The following ABCG2 variants were observed in gnomAD, a reference collection of about 807,000 sequenced individuals.
ABCG2 encodes broad substrate specificity ATP-binding cassette transporter ABCG2.
ABCG2 carries 80 observed loss-of-function variants against 73.5 expected under a neutral mutation model. The ratio of observed to expected loss-of-function variants is 1.09; its 90% CI spans 0.91 to 1.31. The LOEUF (loss-of-function observed/expected upper bound fraction) is 1.31. Ranked by LOEUF, ABCG2 falls within the 50% of genes most tolerant of loss-of-function variation. The pLI is 0.00. For missense variants in ABCG2, 796 were observed against 786.2 expected (o/e 1.01, Z -0.15); for synonymous variants, 269 against 282.4 (o/e 0.95, Z 0.48).
intron 1 of ABCG2, among the ~76,000 whole-genome samples, chr4:88,179,936 T>A (rs1728165541): frequency 6.6e-6 from 1 of 151,782 alleles, no homozygotes; most frequent in Non-Finnish European, 1.5e-5. Context: ...GCCAACAAAA[T>A]CTAGAACATA....
At chr4:88,099,101 C>T (rs1003644498) in intron 12 of ABCG2, among the ~76,000 whole-genome samples, 5 of 152,016 alleles carry the variant, frequency 3.3e-5, no homozygotes, top group Non-Finnish European at 2.9e-5. Context: ...CTCAAAAAAG[C>T]GAAACAAAGC....
At chr4:88,095,364 A>C (rs1578165704) in intron 14 of ABCG2, among the ~76,000 whole-genome samples, 156 bp downstream of exon 14, 1 of 152,328 alleles carries the variant, frequency 6.6e-6, no homozygotes, top group African/African-American at 2.4e-5. Flanking sequence ...TGTGTTAACC[A>C]AGGCTAACAG....
At chr4:88,141,212 G>A (rs1002861569) in intron 1 of ABCG2, among the ~76,000 whole-genome samples, 9 of 152,162 alleles carry the variant, frequency 5.9e-5, no homozygotes, top group African/African-American at 2.2e-4. Flanking sequence ...CTGTTGAAGA[G>A]TTCTGTCTGA....
intron 1 of ABCG2, among the ~76,000 whole-genome samples, chr4:88,192,147 C>T (rs1327548234): frequency 6.7e-6 from 1 of 150,150 alleles, no homozygotes; most frequent in East Asian, 2.0e-4. Flanking sequence ...TGTCACTGCA[C>T]TCCAGCCTGG....
chr4:88,200,450 T>A (rs1389558097), intron 1 of ABCG2, among the ~76,000 whole-genome samples: 1 of 152,022 alleles, frequency 6.6e-6, no homozygotes, highest in Non-Finnish European at 1.5e-5. Context: ...ATTACAGGCA[T>A]TGGCCACCAT....
intron 2 of ABCG2, among the ~76,000 whole-genome samples, chr4:88,139,529 A>T (rs528013965): frequency 1.3e-3 from 200 of 152,370 alleles, no homozygotes; most frequent in African/African-American, 4.6e-3. Flanking sequence ...CTGGGATTAC[A>T]GGCATGAGCC....
chr4:88,143,834 G>A (rs1164599383), intron 1 of ABCG2, among the ~76,000 whole-genome samples: 1 of 151,818 alleles, frequency 6.6e-6, no homozygotes, highest in Admixed American at 6.6e-5. Flanking sequence ...CACCAATATG[G>A]AGCAATACAC....
intron 1 of ABCG2, among the ~76,000 whole-genome samples, chr4:88,212,061 A>T (rs567864495): frequency 6.6e-6 from 1 of 152,294 alleles, no homozygotes; most frequent in South Asian, 2.1e-4. Context: ...CCGCCCCCAA[A>T]TAATTATTAG....
chr4:88,147,456 A>T (rs1433632253), intron 1 of ABCG2, among the ~76,000 whole-genome samples: 1 of 152,250 alleles, frequency 6.6e-6, no homozygotes, highest in Non-Finnish European at 1.5e-5. Context: ...AGTACACAGA[A>T]AAATGATATT....
intron 1 of ABCG2, among the ~76,000 whole-genome samples, chr4:88,194,549 CAAAAAAAAAAAAAAAAAA>C (rs58945293): frequency 1.9e-5 from 1 of 52,554 alleles, no homozygotes; most frequent in African/African-American, 8.9e-5. Context: ...GACTCCGTCT[CAAAAAAAAAAAAAAAAAA>C]AAAAAAAAAA....
Position 88,131,917 on chromosome 4 carries a change from C to T in ABCG2, c.264G>A (p.Ser88=). 1 of 1,608,278 alleles carries T rather than the reference C, an allele frequency of 6.2e-7. No homozygotes were observed. The highest frequency in any genetic ancestry group is 8.5e-7 in the Non-Finnish European group (1 of 1,174,962). Residue 88 remains serine, a splice_region_variant and synonymous_variant, in exon 4 of 16, where the codon TCG becomes TCA. Coordinates refer to ENST00000237612, the MANE Select transcript of ABCG2 (RefSeq NM_004827.3). The part of the protein sequence containing the change: ...ILGPTGGGKS[S]LLDVLAARKD... ...TCCTTGCAGCTAAGACATCTAATAA[C>T]CTATAAGAGGACATATATGTTGTGG...
intron 1 of ABCG2, among the ~76,000 whole-genome samples, chr4:88,156,960 G>A (rs1243115986): frequency 6.6e-6 from 1 of 152,152 alleles, no homozygotes; most frequent in African/African-American, 2.4e-5. Flanking sequence ...AAATTATCTG[G>A]GCATGGTGGC....
intron 1 of ABCG2, among the ~76,000 whole-genome samples, chr4:88,150,054 C>T (rs1476490680): frequency 6.6e-6 from 1 of 152,000 alleles, no homozygotes; most frequent in Non-Finnish European, 1.5e-5. Flanking sequence ...GTGGCTCACG[C>T]CTGTAATCCC....
chr4:88,123,059 A>G (rs1377278023), intron 5 of ABCG2, among the ~76,000 whole-genome samples: 1 of 152,208 alleles, frequency 6.6e-6, no homozygotes, highest in Non-Finnish European at 1.5e-5. Flanking sequence ...ACCTGCAGCA[A>G]ACTCCAGCAG....
chr4:88,170,916 T>C (rs1268707511), intron 1 of ABCG2, among the ~76,000 whole-genome samples: 1 of 152,182 alleles, frequency 6.6e-6, no homozygotes, highest in African/African-American at 2.4e-5. Flanking sequence ...GTAAGACATA[T>C]ACACCATGAA....
intron 1 of ABCG2, among the ~76,000 whole-genome samples, chr4:88,191,214 G>A (rs1209715421): frequency 6.4e-5 from 9 of 139,866 alleles, no homozygotes; most frequent in Non-Finnish European, 1.2e-4. Context: ...ACTGCGTGCA[G>A]TGCTCCAAGA....
rs1315889835 is a variant in ABCG2 at position 88,101,307 on chromosome 4, G to A, written c.1290C>T (p.Leu430=). Reference sequence around the variant, plus strand: ...AACACTGGTTGGTCGTCAGGAAGAAGAGAACCCCAGCTCTGCCATGAAAAG... The same window carrying A: ...AACACTGGTTGGTCGTCAGGAAGAAAAGAACCCCAGCTCTGCCATGAAAAG... The part of the protein sequence containing the change: ...STGIQNRAGV[L]FFLTTNQCFS... Residue 430 remains leucine (L), a synonymous_variant, in exon 11 of 16, where the codon CTC becomes CTT. Coordinates refer to ENST00000237612, the MANE Select transcript of ABCG2 (RefSeq NM_004827.3). 6.2e-7 allele frequency: 1 copy of A among 1,614,012 alleles called. No individual in the cohort carries two copies. The highest frequency in any genetic ancestry group is 1.3e-5 in the African/African-American group (1 of 74,902).
chr4:88,139,758 TAA>T, intron 2 of ABCG2, 33 bp downstream of exon 2: 2 of 1,588,302 alleles, frequency 1.3e-6, no homozygotes, highest in East Asian at 2.2e-5. Context: ...GTAGGTAAAT[TAA>T]AAAGCTGTCT....
intron 1 of ABCG2, among the ~76,000 whole-genome samples, chr4:88,169,711 A>G (rs1727680128): frequency 6.6e-6 from 1 of 152,140 alleles, no homozygotes; most frequent in Admixed American, 6.5e-5. Flanking sequence ...TAAGTAAACG[A>G]TGATTCCGTT....
Sources: gnomAD v4.1 joint callset for allele counts (sites outside exome capture counted in the v4.1 genomes callset) on GRCh38, gnomAD v4.1.1 for gene constraint, MANE v1.5 for transcripts, NCBI Gene and HGNC (gene_info 2026-07-23, HGNC 2026-07-21) for gene names.